NSUN4: variants seen among roughly 807,000 people sequenced by gnomAD.
The protein encoded by NSUN4 is 5-cytosine rRNA methyltransferase NSUN4.
A neutral mutation model predicts 43.8 loss-of-function variants in NSUN4; 31 were observed. The observed-to-expected ratio is 0.71, with a 90% CI of 0.53 to 0.96. NSUN4 has a LOEUF of 0.96. NSUN4 is among the 40% of genes least tolerant of loss of function. The probability of loss-of-function intolerance (pLI) is 0.00; values close to 1 mark genes in which losing one functional copy is unlikely to be tolerated. For synonymous variants in NSUN4, 167 were observed against 184.1 expected (o/e 0.91, Z 0.75); for missense variants, 439 against 475.6 (o/e 0.92, Z 0.72).
chr1:46,341,033 G>GA, intron 1 of NSUN4, 114 bp downstream of exon 1: 1 of 1,136,532 alleles, frequency 8.8e-7, no homozygotes, highest in Non-Finnish European at 1.2e-6. Flanking sequence ...TCCACGGAAC[G>GA]TCCTTAGGCA....
Position 46,360,806 on chromosome 1 carries a change from G to A in NSUN4, c.856G>A (p.Val286Met). 6.2e-7 allele frequency: 1 copy of A among 1,613,944 alleles called. No individual in the cohort carries two copies. The highest frequency in any genetic ancestry group is 8.5e-7 in the Non-Finnish European group (1 of 1,179,854). The change falls in exon 5 of 6, where the codon GTG becomes ATG. Residue 286 changes from valine to methionine, a missense_variant. By Grantham distance (21) the Val-to-Met change is conservative. Coordinates refer to ENST00000474844, the MANE Select transcript of NSUN4 (RefSeq NM_199044.4). ...SRKKERQILP[V>M]LQVQLLAAGL... ...GAAGAAGGAGCGACAGATATTGCCT[G>A]TGCTGCAAGTGCAGCTTCTTGCGTG...
In NSUN4 at chr1:46,345,085, T is replaced by TCCGAA. The variant is rs763328052; in HGVS notation, c.381_385dup (p.Leu129ArgfsTer31). 6.2e-7 allele frequency: 1 copy of TCCGAA among 1,614,042 alleles called. No individual in the cohort carries two copies. The highest frequency in any genetic ancestry group is 8.5e-7 in the Non-Finnish European group (1 of 1,179,996). On this transcript the variant is annotated frameshift_variant, in exon 2 of 6. Coordinates refer to ENST00000474844, the MANE Select transcript of NSUN4 (RefSeq NM_199044.4). LOFTEE classifies it high-confidence loss of function. The stretch of plus-strand genomic sequence containing the variant: ...CATCCCCTGCCTCCTGGGCCTGCAG[T>TCCGAA]CCGAACCTTCGATGCTTCACTTTTG...
intron 3 of NSUN4, among the ~76,000 whole-genome samples, chr1:46,347,859 CT>C (rs112974748): frequency 1.5e-4 from 21 of 143,180 alleles, no homozygotes; most frequent in African/African-American, 3.3e-4. Context: ...TTTTGACTTT[CT>C]TTTTTTTTTT....
chr1:46,358,973 GCCGGCCAGGCATGATGGCT>G (rs1224534234), intron 4 of NSUN4, among the ~76,000 whole-genome samples: 9 of 151,968 alleles, frequency 5.9e-5, no homozygotes, highest in Non-Finnish European at 1.2e-4. Context: ...ACAAATTGGG[GCCGGCCAGGCATGATGGCT>G]CATGCCTGTA....
intron 4 of NSUN4, among the ~76,000 whole-genome samples, chr1:46,355,504 C>G (rs184649325): frequency 3.9e-5 from 6 of 152,248 alleles, no homozygotes; most frequent in Non-Finnish European, 8.8e-5. Flanking sequence ...TAGTGCCTAT[C>G]CCGTAGGTGA....
At chr1:46,348,709 C>CAAAAAAAAAAAAAA (rs34999763) in intron 3 of NSUN4, among the ~76,000 whole-genome samples, 1 of 52,140 alleles carries the variant, frequency 1.9e-5, no homozygotes, top group African/African-American at 8.0e-5. Flanking sequence ...AACTCTGTCT[C>CAAAAAAAAAAAAAA]AAAAAAAAAA....
intron 3 of NSUN4, among the ~76,000 whole-genome samples, chr1:46,351,129 G>T (rs561240140): frequency 1.3e-5 from 2 of 152,274 alleles, no homozygotes; most frequent in East Asian, 3.9e-4. Context: ...ACTTTGGGAG[G>T]CCGACGCAGG....
At chr1:46,341,411 C>A in intron 1 of NSUN4, 1 of 1,005,816 alleles carries the variant, frequency 9.9e-7, no homozygotes, top group Non-Finnish European at 1.2e-6. Context: ...GATTCAGCCC[C>A]TTCCTCAACC....
intron 4 of NSUN4, among the ~76,000 whole-genome samples, chr1:46,355,372 C>G (rs1663290517): frequency 1.3e-5 from 2 of 152,168 alleles, no homozygotes; most frequent in South Asian, 4.1e-4. Flanking sequence ...GGCAAGGATT[C>G]TGGAGTCAGA....
At chr1:46,378,520 C>G in the NSUN4 span, among the ~76,000 whole-genome samples, 1 of 152,118 alleles carries the variant, frequency 6.6e-6, no homozygotes, top group Admixed American at 6.6e-5. Flanking sequence ...TCTTGAAGAT[C>G]CAGGTGTGAT....
intron 5 of NSUN4, 114 bp from the exon 6 acceptor site, chr1:46,361,456 A>G: frequency 2.1e-6 from 2 of 951,792 alleles, no homozygotes; most frequent in Non-Finnish European, 3.1e-6. Context: ...AGGCAGTCTA[A>G]CCAGCTACCC....
chr1:46,352,759 G>C (rs1430847477), intron 3 of NSUN4, 109 bp from the exon 4 acceptor site: 38 of 997,494 alleles, frequency 3.8e-5, no homozygotes, highest in Non-Finnish European at 5.8e-5. Context: ...CCTGATGCTG[G>C]GGTTTGCATT....
In NSUN4 at chr1:46,353,031, G is replaced by C; in HGVS notation, c.753+3G>C. 6.2e-7 allele frequency: 1 copy of C among 1,613,938 alleles called. No individual in the cohort carries two copies. Among genetic ancestry groups the C allele is most frequent in the South Asian group, 1.1e-5 (1 of 91,076 alleles). On this transcript the variant is annotated splice_donor_region_variant and intron_variant, in intron 4 of 5. Coordinates refer to ENST00000474844, the MANE Select transcript of NSUN4 (RefSeq NM_199044.4). ...TGGAGGGGGACACCTATGACCGGGT[G>C]AGTGATTCTTGATTTAGGACATGCA...
chr1:46,360,030 C>T (rs1199383765), intron 4 of NSUN4, among the ~76,000 whole-genome samples: 1 of 150,484 alleles, frequency 6.6e-6, no homozygotes, highest in Non-Finnish European at 1.5e-5. Flanking sequence ...GAGATCGAGA[C>T]CATCCTGGCT....
chr1:46,374,627 T>C, the NSUN4 span, among the ~76,000 whole-genome samples: 1 of 93,728 alleles, frequency 1.1e-5, no homozygotes, highest in Non-Finnish European at 2.9e-5. Context: ...TTAAAAATAA[T>C]AAAATAAAAT....
At chr1:46,346,788 G>T in intron 2 of NSUN4, 133 bp from the exon 3 acceptor site, 1 of 662,676 alleles carries the variant, frequency 1.5e-6, no homozygotes, top group South Asian at 1.8e-5. Flanking sequence ...AAGTGAATAA[G>T]TAAGTGTGGG....
At chr1:46,372,903 A>G in the NSUN4 span, among the ~76,000 whole-genome samples, 17 of 152,232 alleles carry the variant, frequency 1.1e-4, no homozygotes, top group East Asian at 3.3e-3. Context: ...TTGTATTTTT[A>G]GTAGAGACGG....
chr1:46,346,585 A>G (rs1363754804), intron 2 of NSUN4, among the ~76,000 whole-genome samples: 2 of 150,218 alleles, frequency 1.3e-5, no homozygotes, highest in Non-Finnish European at 3.0e-5. Context: ...TTAGCCAGGC[A>G]TGGTGGCGGG....
At chr1:46,385,113 A>C in the NSUN4 span, among the ~76,000 whole-genome samples, 1 of 152,210 alleles carries the variant, frequency 6.6e-6, no homozygotes, top group African/African-American at 2.4e-5. Context: ...TTCCTGTATC[A>C]TTTTTATACC....
Sources: allele counts gnomAD v4.1 joint callset (sites outside exome capture counted in the v4.1 genomes callset), GRCh38; gene constraint gnomAD v4.1.1; transcripts MANE v1.5; gene names NCBI Gene and HGNC (gene_info 2026-07-23, HGNC 2026-07-21).